Variants in MAP1S observed in about 807,000 individuals in gnomAD.
MAP1S encodes microtubule associated protein 1S, also known as microtubule-associated protein 1S.
A neutral mutation model predicts 60.9 loss-of-function variants in MAP1S; 27 were observed. The ratio of observed to expected loss-of-function variants is 0.44; its 90% CI spans 0.33 to 0.61. MAP1S has a LOEUF of 0.61. Among genes scored for constraint, MAP1S ranks in the 20% least tolerant of loss-of-function variants. The pLI, the probability that MAP1S is intolerant of heterozygous loss-of-function variation, is 0.03. For missense variants in MAP1S, 1,608 were observed against 1,486.6 expected (o/e 1.08, Z -1.34); for synonymous variants, 826 against 694.2 (o/e 1.19, Z -2.98).
intron 3 of MAP1S, 25 bp downstream of exon 3, chr19:17,724,233 G>A (rs763959493): frequency 6.2e-7 from 1 of 1,600,112 alleles, no homozygotes; most frequent in East Asian, 2.2e-5. Context: ...ACGTCCTGGA[G>A]GGGGCGGGCT....
In MAP1S at chr19:17,719,520, A is replaced by C. The variant is rs899303728; in HGVS notation, c.18A>C (p.Gly6=). The change falls in exon 1 of 7, where the codon GGA becomes GGC. Residue 6 remains glycine (G), a synonymous_variant. Coordinates refer to ENST00000324096, the MANE Select transcript of MAP1S (RefSeq NM_018174.6). ...GCCCGAAGATGGCGGCGGTGGCTGG[A>C]TCTGGGGCTGCCGCGGCTCCGAGCT... The part of the protein sequence containing the change: MAAVA[G]SGAAAAPSSL... 5 of 1,245,158 alleles carry C rather than the reference A, an allele frequency of 4.0e-6. No homozygotes were observed. In the African/African-American group the frequency reaches 4.7e-5, roughly 12 times the overall value. The allele number at this position is 1,245,158 out of a possible 1,614,324, so 77.1% of individuals were successfully genotyped here. A position where few individuals can be genotyped will look rare whatever the true frequency, so the allele number is the denominator to read the frequency against.
At chr19:17,728,558 CTTT>C (rs968904998) in intron 5 of MAP1S, among the ~76,000 whole-genome samples, 2 of 142,736 alleles carry the variant, frequency 1.4e-5, no homozygotes, top group Non-Finnish European at 1.5e-5. Flanking sequence ...CAGTTCTGTT[CTTT>C]TTTTTTTTTT....
Position 17,727,952 on chromosome 19 carries a change from G to T in MAP1S, c.2568G>T (p.Thr856=). 6.2e-7 allele frequency: 1 copy of T among 1,607,688 alleles called. No individual in the cohort carries two copies. The highest frequency in any genetic ancestry group is 1.1e-5 in the South Asian group (1 of 90,776). ...EMLPPKTARQ[T]ENVSRTRKPL... is the part of the protein sequence containing the mutation. The stretch of plus-strand genomic sequence containing the variant: ...TGCCCCCCAAGACAGCACGGCAAAC[G>T]GAGAACGTCAGCCGCACCCGGAAGC... Residue 856 remains threonine, a synonymous_variant, in exon 5 of 7, where the codon ACG becomes ACT. Transcript: ENST00000324096. This position sits in a 1 kb window ranked among gnomAD's most constrained non-coding sequence, Gnocchi z 4.1.
intron 1 of MAP1S, 48 bp downstream of exon 1, chr19:17,719,668 C>G (rs973646421): frequency 3.7e-6 from 4 of 1,079,934 alleles, no homozygotes. Flanking sequence ...CGGGCCCGTT[C>G]GCGCGTCTGG....
In MAP1S at chr19:17,727,186, C is replaced by T. The variant is rs757920424; in HGVS notation, c.1802C>T (p.Pro601Leu). 1.0e-4 allele frequency: 159 copies of T among 1,577,446 alleles called. No homozygotes were observed. Among genetic ancestry groups the T allele is most frequent in the East Asian group, 2.6e-4 (11 of 43,098 alleles). Residue 601 changes from proline to leucine, a missense_variant, in exon 5 of 7, where the codon CCG (proline) becomes CTG (leucine). Physicochemically the swap from Pro to Leu is moderately conservative, Grantham distance 98 (BLOSUM62 -3). Coordinates refer to ENST00000324096, the MANE Select transcript of MAP1S (RefSeq NM_018174.6). The surrounding 1 kb of genome is among the most constrained non-coding windows in gnomAD (Gnocchi z 4.1). Reference protein sequence around the residue: ...ASPPSAACGSPASQLVATPSL... With the variant: ...ASPPSAACGSLASQLVATPSL... ...CCCCCCAGTGCAGCCTGCGGCTCTC[C>T]GGCCTCCCAGCTGGTGGCCACGCCC...
At position 17,734,464 on chromosome 19, in the gene MAP1S, C is replaced by G. The variant is rs550457134; in HGVS notation, c.*36C>G. On this transcript the variant is annotated 3_prime_UTR_variant, in exon 7 of 7. Transcript: ENST00000324096. Reference sequence around the variant, plus strand: ...GACACGCCCCCCACTCAGCCCAGCCCGCCTGTCCCTAGATTCAGCCACATC... The same window carrying G: ...GACACGCCCCCCACTCAGCCCAGCCGGCCTGTCCCTAGATTCAGCCACATC... The G allele has an allele frequency of 2.5e-6, 4 of 1,584,488 alleles. No homozygotes were observed. The highest frequency in any genetic ancestry group is 3.4e-6 in the Non-Finnish European group (4 of 1,163,316).
At position 17,726,953 on chromosome 19, in the gene MAP1S, G is replaced by C. The variant is rs752082210; in HGVS notation, c.1569G>C (p.Arg523=). The part of the protein sequence containing the change: ...RKTEKEAKTP[R]ELKKDPKPSV... ...CTGAGAAAGAAGCCAAGACCCCCCG[G>C]GAGTTGAAGAAAGACCCCAAACCGA... is the stretch of plus-strand genomic sequence containing the variant. Residue 523 remains arginine (R), a synonymous_variant, in exon 5 of 7, where the codon CGG becomes CGC. Transcript: ENST00000324096. 4.4e-4 allele frequency: 695 copies of C among 1,573,576 alleles called. No homozygotes were observed. The highest frequency in any genetic ancestry group is 5.6e-4 in the Non-Finnish European group (644 of 1,160,310).
Position 17,728,558 on chromosome 19 carries a change from C to CTT in MAP1S, c.2788+399_2788+400dup, listed in dbSNP as rs968904998. On this transcript the variant is annotated intron_variant, in intron 5 of 6. Coordinates refer to ENST00000324096, the MANE Select transcript of MAP1S (RefSeq NM_018174.6). ...GCCACGGTGCCCTGCCAGTTCTGTT[C>CTT]TTTTTTTTTTTTTTGAGACAGAATT... is the stretch of plus-strand genomic sequence containing the variant. 7.7e-3 allele frequency among the ~76,000 whole-genome samples: 1,093 copies of CTT among 142,770 alleles called. 16 individuals are homozygous for CTT. Among genetic ancestry groups the CTT allele is most frequent in the African/African-American group, 0.027 (1,039 of 39,118 alleles). The allele number at this position is 142,770 out of a possible 152,430, so 93.7% of individuals were successfully genotyped here.
rs764697614 is a variant in MAP1S, at chr19:17,727,582, A to G, written c.2198A>G (p.His733Arg). 7 of 1,607,020 alleles carry G rather than the reference A, an allele frequency of 4.4e-6. No homozygotes were observed. The highest frequency in any genetic ancestry group is 2.2e-5 in the East Asian group (1 of 44,824). Residue 733 changes from histidine to arginine, a missense_variant, in exon 5 of 7, where the codon CAC becomes CGC. Coordinates refer to ENST00000324096, the MANE Select transcript of MAP1S (RefSeq NM_018174.6). The surrounding 1 kb of genome is among the most constrained non-coding windows in gnomAD (Gnocchi z 4.1). ...GPRARRSASP[H>R]DVDLCLVSPC... is the part of the protein sequence containing the mutation. ...CGGGCGCGGCGCTCGGCTTCCCCAC[A>G]CGATGTGGACCTGTGCCTGGTGTCA... is the stretch of plus-strand genomic sequence containing the variant.
At chr19:17,724,422 G>A (rs1019430423) in intron 3 of MAP1S, among the ~76,000 whole-genome samples, 4 of 152,152 alleles carry the variant, frequency 2.6e-5, no homozygotes, top group African/African-American at 9.7e-5. Context: ...TTGGGAGGGA[G>A]GGGAGGGTAA....
Position 17,733,273 on chromosome 19 carries a change from G to A in MAP1S, c.2869G>A (p.Gly957Arg), listed in dbSNP as rs763148651. The part of the protein sequence containing the change: ...VYLDLAYLPS[G>R]SSAHLVDEEF... ...CCTGGACCTGGCCTACCTGCCCAGC[G>A]GGAGCAGCGCCCACCTGGTGGATGA... The change falls in exon 6 of 7, where the codon GGG (glycine) becomes AGG (arginine). Residue 957 changes from glycine (G) to arginine (R), a missense_variant. Around this residue, in one of 4 missense-constraint regions of MAP1S, gnomAD observed 1,167 missense variants for 961.4 expected, o/e 1.21. Transcript: ENST00000324096. The A allele has an allele frequency of 1.2e-5, 19 of 1,568,658 alleles. No homozygotes were observed. Among genetic ancestry groups the A allele is most frequent in the South Asian group, 4.7e-5 (4 of 85,502 alleles).
In MAP1S at chr19:17,719,493, C is replaced by T; in HGVS notation, c.-10C>T. 1 of 1,241,630 alleles carries T rather than the reference C, an allele frequency of 8.1e-7. No individual in the cohort carries two copies. Among genetic ancestry groups the T allele is most frequent in the Non-Finnish European group, 1.0e-6 (1 of 985,238 alleles). The allele number at this position is 1,241,630 out of a possible 1,614,324, so 76.9% of individuals were successfully genotyped here. ...GGGGCGGGCGCCGAGAACGCCGGGGCGGCCCGAAGATGGCGGCGGTGGCTG... is the reference window on the plus strand; with the variant it reads ...GGGGCGGGCGCCGAGAACGCCGGGGTGGCCCGAAGATGGCGGCGGTGGCTG... On this transcript the variant is annotated 5_prime_UTR_variant, in exon 1 of 7. Transcript: ENST00000324096.
Position 17,720,965 on chromosome 19 carries a change from G to A in MAP1S, c.148G>A (p.Val50Ile), listed in dbSNP as rs114147427. ...GIRSWDVDPG[V>I]CNLDEQLKVF... ...CCGGTCTTGGGATGTCGATCCTGGC[G>A]TCTGCAACCTTGATGAACAGCTCAA... is the stretch of plus-strand genomic sequence containing the variant. Residue 50 changes from valine to isoleucine, a missense_variant, in exon 2 of 7, where the codon GTC (valine) becomes ATC (isoleucine). Around this residue, in one of 4 missense-constraint regions of MAP1S, gnomAD observed 320 missense variants for 393.1 expected, o/e 0.81. Transcript: ENST00000324096. The A allele has an allele frequency of 3.1e-6, 5 of 1,614,088 alleles. No homozygotes were observed. The highest frequency in any genetic ancestry group is 1.1e-5 in the South Asian group (1 of 91,088).
intron 5 of MAP1S, among the ~76,000 whole-genome samples, chr19:17,729,751 C>T (rs2080476293): frequency 1.3e-5 from 2 of 152,148 alleles, no homozygotes; most frequent in Admixed American, 1.3e-4. Flanking sequence ...CAACCTCTAC[C>T]TCCCGGGGTC....
chr19:17,730,425 C>G (rs1032891361), intron 5 of MAP1S, among the ~76,000 whole-genome samples: 1 of 152,072 alleles, frequency 6.6e-6, no homozygotes, highest in African/African-American at 2.4e-5. Flanking sequence ...GTGATCCTCC[C>G]AGCTCAGCCT....
chr19:17,720,009 T>G, intron 1 of MAP1S: 2 of 574,838 alleles, frequency 3.5e-6, no homozygotes, highest in Non-Finnish European at 4.5e-6. Flanking sequence ...CTTAGCAGCT[T>G]AGATAGAGAT....
At chr19:17,723,392 G>GA (rs2080388365) in intron 2 of MAP1S, among the ~76,000 whole-genome samples, 1 of 151,244 alleles carries the variant, frequency 6.6e-6, no homozygotes. Context: ...ACTAAAAATT[G>GA]AAAAAATTAA....
chr19:17,733,584 C>T (rs898159719), intron 6 of MAP1S, among the ~76,000 whole-genome samples, 156 bp downstream of exon 6: 2 of 152,178 alleles, frequency 1.3e-5, no homozygotes, highest in African/African-American at 2.4e-5. Context: ...GGGGTCTCTT[C>T]GGACTCTGAT....
Position 17,734,336 on chromosome 19 carries a change from C to T in MAP1S, c.3088C>T (p.Arg1030Trp), listed in dbSNP as rs778231642. The T allele has an allele frequency of 3.5e-5, 57 of 1,613,818 alleles. No individual in the cohort carries two copies. The highest frequency in any genetic ancestry group is 2.0e-4 in the South Asian group (18 of 91,084). The change falls in exon 7 of 7, where the codon CGG (arginine) becomes TGG (tryptophan). Residue 1030 changes from arginine to tryptophan, a missense_variant. Coordinates refer to ENST00000324096, the MANE Select transcript of MAP1S (RefSeq NM_018174.6). ...TACGTGGTACGCAGAGACGCACGCC[C>T]GGCACCAGGCGCTGGGCATCACGGT... ...MHTWYAETHA[R>W]HQALGITVLG...
Sources: allele counts gnomAD v4.1 joint callset (sites outside exome capture counted in the v4.1 genomes callset), GRCh38; gene constraint gnomAD v4.1.1; regional missense constraint gnomAD v4.1.1; non-coding constraint Gnocchi (gnomAD v3.1); transcripts MANE v1.5; gene names NCBI Gene and HGNC (gene_info 2026-07-23, HGNC 2026-07-21).